Variants in MSRA observed in about 807,000 individuals in gnomAD.
MSRA encodes the protein mitochondrial peptide methionine sulfoxide reductase.
Under a neutral mutation model 31.3 loss-of-function variants are expected in MSRA, and 54 were observed. That is an observed-to-expected ratio of 1.73 (90% CI 1.39 to 2.17). The LOEUF (loss-of-function observed/expected upper bound fraction) is 2.17, where lower values mean the gene tolerates loss of function less well. MSRA is among the 30% of genes most tolerant of loss of function. The pLI is 0.00. For synonymous variants in MSRA, 169 were observed against 116.5 expected (o/e 1.45, Z -2.90); for missense variants, 507 against 300.9 (o/e 1.69, Z -5.07).
At chr8:10,202,122 A>G (rs898274166) in intron 1 of MSRA, among the ~76,000 whole-genome samples, 6 of 152,248 alleles carry the variant, frequency 3.9e-5, no homozygotes, top group African/African-American at 1.2e-4. Flanking sequence ...ATTGATTTTG[A>G]AACAAATTTG....
intron 1 of MSRA, among the ~76,000 whole-genome samples, chr8:10,196,980 G>A (rs1808051034): frequency 6.6e-6 from 1 of 152,008 alleles, no homozygotes; most frequent in Admixed American, 6.6e-5. Context: ...AGACTCAATA[G>A]GAAACACATG....
intron 2 of MSRA, among the ~76,000 whole-genome samples, chr8:10,240,112 C>T (rs78479019): frequency 2.0e-5 from 3 of 152,158 alleles, no homozygotes; most frequent in African/African-American, 7.2e-5. Context: ...ACCCTGAAGG[C>T]AGGAAAGTCA....
chr8:10,191,017 G>C (rs553716538), intron 1 of MSRA, among the ~76,000 whole-genome samples: 4 of 152,178 alleles, frequency 2.6e-5, no homozygotes, highest in Non-Finnish European at 5.9e-5. Context: ...CAGAGATGTT[G>C]AGGATTTTAT....
chr8:10,305,497 T>C (rs981179553), intron 4 of MSRA, among the ~76,000 whole-genome samples: 10 of 148,800 alleles, frequency 6.7e-5, no homozygotes, highest in Non-Finnish European at 1.5e-4. Flanking sequence ...CACTGCATCC[T>C]CTGCTTCACA....
intron 1 of MSRA, among the ~76,000 whole-genome samples, chr8:10,137,594 G>A (rs1225160160): frequency 1.3e-5 from 2 of 152,216 alleles, no homozygotes; most frequent in South Asian, 4.1e-4. Context: ...AATCAGTCAT[G>A]TGATGTTGCA....
At chr8:10,268,931 C>T (rs184616003) in intron 3 of MSRA, among the ~76,000 whole-genome samples, 4 of 152,302 alleles carry the variant, frequency 2.6e-5, no homozygotes, top group Admixed American at 6.5e-5. Context: ...CCTCTTGGGA[C>T]GCTTATTTTT....
intron 1 of MSRA, among the ~76,000 whole-genome samples, chr8:10,062,519 G>C (rs1049972472): frequency 6.6e-6 from 1 of 152,154 alleles, no homozygotes; most frequent in Non-Finnish European, 1.5e-5. Context: ...ATAAATACTT[G>C]TTGAAAGACT....
chr8:10,409,203 C>CT (rs1808006591), intron 5 of MSRA, among the ~76,000 whole-genome samples: 1 of 152,172 alleles, frequency 6.6e-6, no homozygotes. Context: ...TAAGCATTCC[C>CT]TTTTTTCTGC....
At chr8:10,261,668 A>G (rs1798492369) in intron 3 of MSRA, among the ~76,000 whole-genome samples, 1 of 152,198 alleles carries the variant, frequency 6.6e-6, no homozygotes, top group African/African-American at 2.4e-5. Flanking sequence ...TTAACATCTT[A>G]GTGTAGTACA....
At chr8:10,234,223 C>G (rs1399066072) in intron 2 of MSRA, among the ~76,000 whole-genome samples, 1 of 152,046 alleles carries the variant, frequency 6.6e-6, no homozygotes, top group Non-Finnish European at 1.5e-5. Flanking sequence ...ATTAGTTAAA[C>G]AATGATTAAA....
At chr8:10,135,831 G>A (rs764035916) in intron 1 of MSRA, among the ~76,000 whole-genome samples, 34 of 152,154 alleles carry the variant, frequency 2.2e-4, no homozygotes, top group Admixed American at 1.4e-3. Context: ...TCCCCAAAGT[G>A]TTTCACAGGC....
At chr8:10,081,349 A>G (rs960270484) in intron 1 of MSRA, among the ~76,000 whole-genome samples, 2 of 152,158 alleles carry the variant, frequency 1.3e-5, no homozygotes, top group African/African-American at 4.8e-5. Flanking sequence ...GTTCGTTACC[A>G]TGGGAACGTG....
At chr8:10,055,874 T>A (rs1049336241) in intron 1 of MSRA, among the ~76,000 whole-genome samples, 2 of 152,314 alleles carry the variant, frequency 1.3e-5, no homozygotes, top group African/African-American at 2.4e-5. Context: ...TTATTATTAA[T>A]CGAATTAGCA....
At chr8:10,326,060 G>A (rs182377960) in intron 5 of MSRA, among the ~76,000 whole-genome samples, 188 of 152,294 alleles carry the variant, frequency 1.2e-3, no homozygotes, top group African/African-American at 4.3e-3. Context: ...TGGTGTTTCT[G>A]GCCCCATCAC....
chr8:10,278,706 T>C (rs1799457155), intron 3 of MSRA, among the ~76,000 whole-genome samples: 1 of 152,200 alleles, frequency 6.6e-6, no homozygotes, highest in African/African-American at 2.4e-5. Flanking sequence ...GAGCTCTACC[T>C]CCCTGTGGTG....
rs1033412183 is a variant in MSRA at position 10,284,287 on chromosome 8, C to T, written c.332-17247C>T. ...CACTGCAACCTCCACCTCCCAGGTT[C>T]AAGCAATTCTCCTGCCTCAGCCTCC... On this transcript the variant is annotated intron_variant, in intron 3 of 5. Coordinates refer to ENST00000317173, the MANE Select transcript of MSRA (RefSeq NM_012331.5). Among the ~76,000 whole-genome samples, 3 of 152,158 alleles carry T rather than the reference C, an allele frequency of 2.0e-5. No homozygotes were observed. The East Asian group carries it at 5.8e-4, about 29-fold the overall frequency.
At chr8:10,338,404 G>A (rs990453297) in intron 5 of MSRA, among the ~76,000 whole-genome samples, 1 of 152,170 alleles carries the variant, frequency 6.6e-6, no homozygotes, top group Non-Finnish European at 1.5e-5. Flanking sequence ...TCCACAGGAG[G>A]AATAGGGTTT....
Position 10,122,272 on chromosome 8 carries a change from A to G in MSRA, c.142+67614A>G, listed in dbSNP as rs1029642977. Among the ~76,000 whole-genome samples the G allele has an allele frequency of 3.8e-4, 58 of 152,334 alleles. 1 individual carries two copies. The highest frequency in any genetic ancestry group is 1.3e-3 in the African/African-American group (54 of 41,576). The stretch of plus-strand genomic sequence containing the variant: ...CCTGTGGAGGAAAATGCTCAGTGCA[A>G]GAAGCCAAAGAAAAAGGCACCAGGC... On this transcript the variant is annotated intron_variant, in intron 1 of 5. Transcript: ENST00000317173.
At chr8:10,240,838 C>T (rs1334569177) in intron 2 of MSRA, among the ~76,000 whole-genome samples, 3 of 151,858 alleles carry the variant, frequency 2.0e-5, no homozygotes, top group Non-Finnish European at 4.4e-5. Context: ...CCACCCCCCG[C>T]ACCCCCATCC....
Sources: gnomAD v4.1 joint callset for allele counts (sites outside exome capture counted in the v4.1 genomes callset) on GRCh38, gnomAD v4.1.1 for gene constraint, MANE v1.5 for transcripts, NCBI Gene and HGNC (gene_info 2026-07-23, HGNC 2026-07-21) for gene names.